The following WWOX variants were observed in gnomAD, a reference collection of about 807,000 sequenced individuals.
WWOX encodes WW domain containing oxidoreductase, also known as WW domain-containing oxidoreductase.
In WWOX, 69 loss-of-function variants were observed where a neutral mutation model predicts 46.2. The ratio of observed to expected loss-of-function variants is 1.49; its 90% CI spans 1.23 to 1.82. The LOEUF is 1.82. Among genes scored for constraint, WWOX ranks in the 40% most tolerant of loss-of-function variants. The probability of loss-of-function intolerance (pLI) is 0.00; values close to 1 mark genes in which losing one functional copy is unlikely to be tolerated. For missense variants in WWOX, 919 were observed against 542.6 expected, an observed-to-expected ratio of 1.69 and a Z score of -6.89; for synonymous variants, 359 against 202.6, an observed-to-expected ratio of 1.77 and a Z score of -6.56.
At chr16:78,517,441 T>C (rs543180568) in intron 8 of WWOX, among the ~76,000 whole-genome samples, 1 of 152,262 alleles carries the variant, frequency 6.6e-6, no homozygotes, top group Admixed American at 6.5e-5. Flanking sequence ...TGTTTAAATA[T>C]GAATGTCTTG....
At chr16:79,089,346 T>C (rs1490272029) in intron 8 of WWOX, among the ~76,000 whole-genome samples, 1 of 151,814 alleles carries the variant, frequency 6.6e-6, no homozygotes, top group African/African-American at 2.4e-5. Flanking sequence ...TTTTTTTTTT[T>C]TTTGAGGCAG....
intron 8 of WWOX, among the ~76,000 whole-genome samples, chr16:78,791,544 G>T (rs560960648): frequency 4.4e-4 from 67 of 152,200 alleles, no homozygotes; most frequent in African/African-American, 1.5e-3. Flanking sequence ...CTGCTCTAAG[G>T]ATCATACCTT....
intron 8 of WWOX, among the ~76,000 whole-genome samples, chr16:79,146,689 C>G (rs1274558022): frequency 3.9e-5 from 6 of 152,096 alleles, no homozygotes; most frequent in Non-Finnish European, 8.8e-5. Flanking sequence ...TACTAAGCAT[C>G]TGGTTTATAT....
chr16:78,294,018 C>T (rs2079902805), intron 5 of WWOX, among the ~76,000 whole-genome samples: 1 of 138,544 alleles, frequency 7.2e-6, no homozygotes, highest in Non-Finnish European at 1.6e-5. Context: ...AAAGGCTTTC[C>T]TGAAAGGTGA....
intron 8 of WWOX, among the ~76,000 whole-genome samples, chr16:78,892,597 C>G (rs1175198905): frequency 6.6e-6 from 1 of 152,196 alleles, no homozygotes; most frequent in African/African-American, 2.4e-5. Context: ...CCACTTTTAC[C>G]TGTGTTATCT....
chr16:79,142,250 A>G (rs1482463732), intron 8 of WWOX, among the ~76,000 whole-genome samples: 1 of 152,188 alleles, frequency 6.6e-6, no homozygotes, highest in Non-Finnish European at 1.5e-5. Context: ...AATACAGAAG[A>G]TAATTCCTGG....
intron 5 of WWOX, among the ~76,000 whole-genome samples, chr16:78,353,495 T>C (rs902115905): frequency 6.6e-6 from 1 of 152,214 alleles, no homozygotes; most frequent in Non-Finnish European, 1.5e-5. Flanking sequence ...CGTAGCACCT[T>C]TCTGTCCCTT....
chr16:78,402,010 T>C (rs1056106954), intron 6 of WWOX, among the ~76,000 whole-genome samples: 3 of 152,200 alleles, frequency 2.0e-5, no homozygotes, highest in Admixed American at 6.5e-5. Context: ...AAATTCATTA[T>C]TTTAAGCTGT....
intron 4 of WWOX, among the ~76,000 whole-genome samples, chr16:78,121,254 A>G (rs1217637882): frequency 6.6e-6 from 1 of 152,234 alleles, no homozygotes; most frequent in Non-Finnish European, 1.5e-5. Flanking sequence ...TCCATTTTAA[A>G]TTAAAAACAT....
At chr16:78,549,309 G>A (rs2044121510) in intron 8 of WWOX, among the ~76,000 whole-genome samples, 2 of 152,208 alleles carry the variant, frequency 1.3e-5, no homozygotes, top group Admixed American at 1.3e-4. Context: ...TAAATTCTGG[G>A]GAGCGTTCAA....
At chr16:78,474,807 A>G (rs1335751297) in intron 8 of WWOX, among the ~76,000 whole-genome samples, 2 of 152,072 alleles carry the variant, frequency 1.3e-5, no homozygotes, top group African/African-American at 4.8e-5. Context: ...TATTCTGGAC[A>G]TTTCTCATTA....
At chr16:78,814,266 T>G (rs2051272590) in intron 8 of WWOX, among the ~76,000 whole-genome samples, 1 of 152,234 alleles carries the variant, frequency 6.6e-6, no homozygotes, top group Admixed American at 6.5e-5. Flanking sequence ...TTCTGGAATT[T>G]TTATTTCCCC....
At chr16:79,105,051 A>C (rs140297083) in intron 8 of WWOX, among the ~76,000 whole-genome samples, 1 of 152,036 alleles carries the variant, frequency 6.6e-6, no homozygotes, top group Non-Finnish European at 1.5e-5. Flanking sequence ...TCAGTTTACA[A>C]AAGTGGAAAA....
intron 8 of WWOX, among the ~76,000 whole-genome samples, chr16:78,765,571 C>T (rs972541798): frequency 2.4e-4 from 36 of 152,018 alleles, no homozygotes; most frequent in African/African-American, 7.5e-4. Context: ...CCTGGCTACT[C>T]GGGAGGCTGA....
At position 79,013,145 on chromosome 16, in the gene WWOX, C is replaced by A. The variant is rs555380558; in HGVS notation, c.1057-198463C>A. 2.6e-5 allele frequency among the ~76,000 whole-genome samples: 4 copies of A among 152,348 alleles called. No homozygotes were observed. In the South Asian group the frequency reaches 8.3e-4, roughly 32 times the overall value. ...TTGCCCTGTTGAGGGTATCTCCCTGCCCTGGTCTGAAAGCTGCCACTTGCC... is the reference window on the plus strand; with the variant it reads ...TTGCCCTGTTGAGGGTATCTCCCTGACCTGGTCTGAAAGCTGCCACTTGCC... On this transcript the variant is annotated intron_variant, in intron 8 of 8. Transcript: ENST00000566780.
chr16:78,145,678 A>G (rs1291075286), intron 4 of WWOX, among the ~76,000 whole-genome samples: 2 of 152,112 alleles, frequency 1.3e-5, no homozygotes, highest in Non-Finnish European at 1.5e-5. Flanking sequence ...CCTTCAATCC[A>G]ATCACATTGA....
intron 8 of WWOX, among the ~76,000 whole-genome samples, chr16:78,710,151 CT>C (rs1320841091): frequency 6.6e-6 from 1 of 152,010 alleles, no homozygotes; most frequent in Non-Finnish European, 1.5e-5. Context: ...TGTTGACCTG[CT>C]TGTGTTTACC....
chr16:78,997,728 A>G (rs2047017993), intron 8 of WWOX, among the ~76,000 whole-genome samples: 1 of 151,968 alleles, frequency 6.6e-6, no homozygotes, highest in Non-Finnish European at 1.5e-5. Flanking sequence ...TTCCCCTAGA[A>G]GGAAATATTC....
At chr16:79,086,512 A>G (rs2048856630) in intron 8 of WWOX, among the ~76,000 whole-genome samples, 2 of 152,242 alleles carry the variant, frequency 1.3e-5, no homozygotes, top group Admixed American at 6.5e-5. Flanking sequence ...TCAGTACAGT[A>G]CTATCCAAAT....
Sources: allele counts gnomAD v4.1 joint callset (sites outside exome capture counted in the v4.1 genomes callset), GRCh38; gene constraint gnomAD v4.1.1; transcripts MANE v1.5; gene names NCBI Gene and HGNC (gene_info 2026-07-23, HGNC 2026-07-21).